PTPRN2: variants seen among roughly 807,000 people sequenced by gnomAD.
PTPRN2 encodes protein tyrosine phosphatase receptor type N2, also known as receptor-type tyrosine-protein phosphatase N2.
Under a neutral mutation model 118.8 loss-of-function variants are expected in PTPRN2, and 74 were observed. The observed-to-expected ratio is 0.62, with a 90% CI of 0.52 to 0.76. The LOEUF (loss-of-function observed/expected upper bound fraction) is 0.76. Among genes scored for constraint, PTPRN2 ranks in the 30% least tolerant of loss-of-function variants. PTPRN2 has a pLI of 0.00. For missense variants in PTPRN2, 1,481 were observed against 1,394.4 expected, an observed-to-expected ratio of 1.06 and a Z score of -0.99; for synonymous variants, 641 against 608.0, an observed-to-expected ratio of 1.05 and a Z score of -0.80.
rs947116449 is a variant in PTPRN2, at chr7:158,526,925, A to G, written c.113-37140T>C. On this transcript the variant is annotated intron_variant, in intron 1 of 22. Transcript: ENST00000389418. This position sits in a 1 kb window ranked among gnomAD's most constrained non-coding sequence, Gnocchi z 5.2. The stretch of plus-strand genomic sequence containing the variant: ...TGTTAGGGAGACTGAGCCAATTCAT[A>G]CAGTGGATTCCGCCACTTTCTTTCT... Among the ~76,000 whole-genome samples, 4 of 152,170 alleles carry G rather than the reference A, an allele frequency of 2.6e-5. No homozygotes were observed. Among genetic ancestry groups the G allele is most frequent in the Non-Finnish European group, 5.9e-5 (4 of 68,028 alleles).
At chr7:158,236,205 A>G (rs963321627) in intron 3 of PTPRN2, among the ~76,000 whole-genome samples, 2 of 152,022 alleles carry the variant, frequency 1.3e-5, no homozygotes, top group Non-Finnish European at 2.9e-5. Context: ...ACGTTAGGGG[A>G]TGGTGTGGAA....
chr7:157,587,514 C>A lies in PTPRN2; in HGVS notation c.2496+7724G>T, dbSNP rs1256286934. ...AATAAAAAGCTGTATTTACATCAAG[C>A]CTATCAATTTGGAAATGAGAAAACA... On this transcript the variant is annotated intron_variant, in intron 17 of 22. Coordinates refer to ENST00000389418, the MANE Select transcript of PTPRN2 (RefSeq NM_002847.5). The surrounding 1 kb of genome is among the most constrained non-coding windows in gnomAD (Gnocchi z 5.3). 6.6e-6 allele frequency among the ~76,000 whole-genome samples: 1 copy of A among 152,220 alleles called. No homozygotes were observed. The highest frequency in any genetic ancestry group is 6.5e-5 in the Admixed American group (1 of 15,288).
intron 11 of PTPRN2, among the ~76,000 whole-genome samples, chr7:158,018,966 CAAAAAAAA>C (rs753498681): frequency 0.11 from 7,350 of 66,092 alleles, 310 homozygotes; most frequent in South Asian, 0.22. Context: ...GTTTCAAAAA[CAAAAAAAA>C]AAAAAAAAAA....
At chr7:158,424,251 G>C (rs1296486997) in intron 2 of PTPRN2, among the ~76,000 whole-genome samples, 1 of 152,138 alleles carries the variant, frequency 6.6e-6, no homozygotes, top group Non-Finnish European at 1.5e-5. Flanking sequence ...CCGTTCTTCG[G>C]GCTTTATTAA....
At chr7:158,213,273 G>A (rs933030731) in intron 3 of PTPRN2, among the ~76,000 whole-genome samples, 1 of 148,168 alleles carries the variant, frequency 6.7e-6, no homozygotes, top group Non-Finnish European at 1.5e-5. Context: ...TCCAGAACAT[G>A]ATGAGAACCA....
At chr7:158,182,051 C>A (rs540337162) in intron 5 of PTPRN2, among the ~76,000 whole-genome samples, 54 of 152,276 alleles carry the variant, frequency 3.5e-4, no homozygotes, top group African/African-American at 1.3e-3. Flanking sequence ...GCATTTAGCA[C>A]AGTGAACTTT....
intron 2 of PTPRN2, among the ~76,000 whole-genome samples, chr7:158,317,699 G>A (rs112597198): frequency 7.9e-5 from 12 of 152,338 alleles, no homozygotes; most frequent in African/African-American, 2.4e-4. Flanking sequence ...ACACAGGGCG[G>A]CCATCTGCAG....
intron 1 of PTPRN2, among the ~76,000 whole-genome samples, chr7:158,532,364 C>A (rs1316214683): frequency 6.6e-6 from 1 of 152,204 alleles, no homozygotes; most frequent in African/African-American, 2.4e-5. Flanking sequence ...CAGCCCCCAG[C>A]GTGGCTCCTG....
intron 2 of PTPRN2, among the ~76,000 whole-genome samples, chr7:158,447,914 T>C (rs1468052617): frequency 6.6e-6 from 1 of 152,216 alleles, no homozygotes; most frequent in Non-Finnish European, 1.5e-5. Flanking sequence ...CTCCTGGCCA[T>C]GCTACCCAGC....
intron 3 of PTPRN2, among the ~76,000 whole-genome samples, chr7:158,259,836 G>T (rs1332787254): frequency 6.6e-6 from 1 of 150,900 alleles, no homozygotes; most frequent in Non-Finnish European, 1.5e-5. Flanking sequence ...ATATGTGAAT[G>T]TGTTTGTGTG....
At chr7:157,849,881 G>A (rs760287792) in intron 12 of PTPRN2, among the ~76,000 whole-genome samples, 7 of 152,182 alleles carry the variant, frequency 4.6e-5, no homozygotes, top group Non-Finnish European at 8.8e-5. Flanking sequence ...AGGGGAAGAC[G>A]GCACAGACCC....
At chr7:157,641,089 G>GAAC (rs1804638030) in intron 14 of PTPRN2, among the ~76,000 whole-genome samples, 1 of 152,218 alleles carries the variant, frequency 6.6e-6, no homozygotes, top group Admixed American at 6.5e-5. Context: ...GAACAATACT[G>GAAC]TATGTGTCAG....
intron 12 of PTPRN2, among the ~76,000 whole-genome samples, chr7:157,758,734 G>A (rs930170245): frequency 6.6e-6 from 1 of 152,028 alleles, no homozygotes; most frequent in Non-Finnish European, 1.5e-5. Context: ...GAGACGTGGA[G>A]GCAGTGGTCC....
At chr7:158,370,534 C>T (rs532275765) in intron 2 of PTPRN2, among the ~76,000 whole-genome samples, 2 of 151,862 alleles carry the variant, frequency 1.3e-5, no homozygotes, top group Non-Finnish European at 2.9e-5. Context: ...GGGTGGATCA[C>T]GAGGTCAGGA....
chr7:158,583,659 C>G (rs1475447998), intron 1 of PTPRN2, among the ~76,000 whole-genome samples: 1 of 152,236 alleles, frequency 6.6e-6, no homozygotes, highest in Non-Finnish European at 1.5e-5. Context: ...CTTCCTGAAT[C>G]TAGCTTCATG....
intron 11 of PTPRN2, among the ~76,000 whole-genome samples, chr7:157,973,874 C>T (rs1347015455): frequency 6.6e-6 from 1 of 152,182 alleles, no homozygotes; most frequent in African/African-American, 2.4e-5. Flanking sequence ...GGACTGGAAC[C>T]ACAGGGTATG....
At chr7:158,326,058 C>T (rs1179503710) in intron 2 of PTPRN2, among the ~76,000 whole-genome samples, 1 of 152,186 alleles carries the variant, frequency 6.6e-6, no homozygotes, top group Non-Finnish European at 1.5e-5. Flanking sequence ...GCGCACTTTC[C>T]AGAGAGAATG....
intron 3 of PTPRN2, among the ~76,000 whole-genome samples, chr7:158,268,209 C>T (rs116571191): frequency 0.012 from 1,786 of 152,270 alleles, 42 homozygotes; most frequent in African/African-American, 0.041. Context: ...GAGCCGCGGC[C>T]GCACGCACAC....
chr7:157,627,204 C>T lies in PTPRN2; in HGVS notation c.2197-5695G>A, dbSNP rs1042573206. Among the ~76,000 whole-genome samples, 10 of 152,240 alleles carry T rather than the reference C, an allele frequency of 6.6e-5. No individual in the cohort carries two copies. Among genetic ancestry groups the T allele is most frequent in the Non-Finnish European group, 1.3e-4 (9 of 68,038 alleles). ...AGCTGGGTCTCCTCCGGGGCGTGAG[C>T]TCCTGGTGGTCAGGGACCCCTTCTC... On this transcript the variant is annotated intron_variant, in intron 14 of 22. Coordinates refer to ENST00000389418, the MANE Select transcript of PTPRN2 (RefSeq NM_002847.5). This position sits in a 1 kb window ranked among gnomAD's most constrained non-coding sequence, Gnocchi z 4.2.
Sources: allele counts gnomAD v4.1 joint callset (sites outside exome capture counted in the v4.1 genomes callset), GRCh38; gene constraint gnomAD v4.1.1; non-coding constraint Gnocchi (gnomAD v3.1); transcripts MANE v1.5; gene names NCBI Gene and HGNC (gene_info 2026-07-23, HGNC 2026-07-21).